The following AGBL4 variants were observed in gnomAD, a reference collection of about 807,000 sequenced individuals.
AGBL4 encodes cytosolic carboxypeptidase 6.
A neutral mutation model predicts 66.4 loss-of-function variants in AGBL4; 58 were observed. The ratio of observed to expected loss-of-function variants is 0.87; its 90% CI spans 0.71 to 1.09. AGBL4 has a LOEUF of 1.09. Ranked by LOEUF, AGBL4 falls within the 50% of genes least tolerant of loss-of-function variation. The pLI is 0.00. For synonymous variants in AGBL4, 234 were observed against 222.9 expected (o/e 1.05, Z -0.44); for missense variants, 579 against 631.0 (o/e 0.92, Z 0.88).
chr1:48,983,537 G>C (rs1571158304), intron 5 of AGBL4, among the ~76,000 whole-genome samples: 2 of 152,094 alleles, frequency 1.3e-5, no homozygotes, highest in East Asian at 1.9e-4. Flanking sequence ...CAAAATTATG[G>C]GGGAAAAAAA....
At chr1:49,322,412 T>C (rs1034730664) in intron 3 of AGBL4, among the ~76,000 whole-genome samples, 1 of 152,206 alleles carries the variant, frequency 6.6e-6, no homozygotes, top group African/African-American at 2.4e-5. Flanking sequence ...CCATTTTAGC[T>C]ATGTAGTAGG....
intron 1 of AGBL4, among the ~76,000 whole-genome samples, chr1:49,925,332 C>G (rs1037895802): frequency 2.0e-5 from 3 of 152,088 alleles, no homozygotes; most frequent in Non-Finnish European, 4.4e-5. Context: ...CTGGTCCTGA[C>G]AGGATTCGCC....
intron 4 of AGBL4, among the ~76,000 whole-genome samples, chr1:49,148,741 A>AG (rs1205029586): frequency 6.6e-6 from 1 of 152,200 alleles, no homozygotes; most frequent in Non-Finnish European, 1.5e-5. Flanking sequence ...GGCATATCTC[A>AG]GCCCTCCTTT....
At chr1:49,806,146 G>A (rs570871835) in intron 2 of AGBL4, among the ~76,000 whole-genome samples, 2 of 152,272 alleles carry the variant, frequency 1.3e-5, no homozygotes, top group East Asian at 1.9e-4. Context: ...AGGCTTAGAA[G>A]GACAGCAGGG....
intron 5 of AGBL4, among the ~76,000 whole-genome samples, chr1:48,907,793 G>A (rs559764740): frequency 6.6e-6 from 1 of 152,260 alleles, no homozygotes; most frequent in African/African-American, 2.4e-5. Flanking sequence ...ATAAATGCAT[G>A]GTGCTGAGGA....
At chr1:48,591,212 T>C (rs926824178) in intron 9 of AGBL4, among the ~76,000 whole-genome samples, 5 of 151,734 alleles carry the variant, frequency 3.3e-5, no homozygotes, top group African/African-American at 1.2e-4. Context: ...ACTTTTAACA[T>C]GGTTTTCCCT....
chr1:49,603,929 T>TAC (rs60862640), intron 3 of AGBL4, among the ~76,000 whole-genome samples: 2,666 of 140,572 alleles, frequency 0.019, 37 homozygotes, highest in East Asian at 0.055. Context: ...TTCCATGGTA[T>TAC]ACACACACAC....
chr1:49,911,173 T>C (rs1650786972), intron 1 of AGBL4, among the ~76,000 whole-genome samples: 1 of 152,126 alleles, frequency 6.6e-6, no homozygotes, highest in South Asian at 2.1e-4. Flanking sequence ...GGATGGAATG[T>C]GGGAGTGGGG....
intron 2 of AGBL4, among the ~76,000 whole-genome samples, chr1:49,788,394 A>G (rs1386094449): frequency 1.3e-5 from 2 of 152,152 alleles, no homozygotes; most frequent in East Asian, 3.9e-4. Flanking sequence ...TTATAACAAA[A>G]TATTTCTAGA....
intron 11 of AGBL4, among the ~76,000 whole-genome samples, chr1:48,561,787 A>G (rs923592145): frequency 1.2e-4 from 18 of 152,156 alleles, no homozygotes; most frequent in African/African-American, 3.4e-4. Flanking sequence ...GTTGACTTTC[A>G]GATTGGAACT....
rs966278729 is a variant in AGBL4, at chr1:48,895,709, G to A, written c.595-28479C>T. 2.0e-5 allele frequency among the ~76,000 whole-genome samples: 3 copies of A among 152,242 alleles called. No homozygotes were observed. The East Asian group carries it at 5.8e-4, about 29-fold the overall frequency. On this transcript the variant is annotated intron_variant, in intron 5 of 13. Coordinates refer to ENST00000371839, the MANE Select transcript of AGBL4 (RefSeq NM_032785.4). The stretch of plus-strand genomic sequence containing the variant: ...TCTAGCTCAGATGGTAGGTCCCACT[G>A]GAGACCCTGAAAGAGACTCGAGCAT...
At chr1:48,777,614 G>A (rs973926183) in intron 6 of AGBL4, among the ~76,000 whole-genome samples, 5 of 152,146 alleles carry the variant, frequency 3.3e-5, no homozygotes, top group Non-Finnish European at 7.3e-5. Flanking sequence ...ACCAGAACTG[G>A]GGCTTATCTG....
chr1:48,754,521 C>G (rs534159832), intron 6 of AGBL4, among the ~76,000 whole-genome samples: 1 of 152,180 alleles, frequency 6.6e-6, no homozygotes, highest in East Asian at 1.9e-4. Flanking sequence ...TGGAATGTCA[C>G]CATGCTTTTT....
In AGBL4 at chr1:48,698,749, G is replaced by A. The variant is rs184300887; in HGVS notation, c.635-35508C>T. ...ATGTGCCCAGCATTGGGACAGGTAC[G>A]TTACATGTACACCATCATTTCATTT... On this transcript the variant is annotated intron_variant, in intron 6 of 13. Coordinates refer to ENST00000371839, the MANE Select transcript of AGBL4 (RefSeq NM_032785.4). Among the ~76,000 whole-genome samples the A allele has an allele frequency of 5.9e-5, 9 of 152,334 alleles. 1 individual carries two copies. Among genetic ancestry groups the A allele is most frequent in the Middle Eastern group, 6.8e-3 (2 of 294 alleles).
At chr1:49,054,532 C>A (rs1644276016) in intron 4 of AGBL4, among the ~76,000 whole-genome samples, 1 of 151,982 alleles carries the variant, frequency 6.6e-6, no homozygotes, top group East Asian at 1.9e-4. Flanking sequence ...AATCAACAAA[C>A]CTATGGAGTA....
At chr1:49,506,235 C>T (rs1412761563) in intron 3 of AGBL4, among the ~76,000 whole-genome samples, 1 of 151,640 alleles carries the variant, frequency 6.6e-6, no homozygotes, top group Admixed American at 6.6e-5. Context: ...ACTGATATAA[C>T]AAGAAAGAAA....
At chr1:48,544,014 A>C (rs1644119632) in intron 11 of AGBL4, among the ~76,000 whole-genome samples, 1 of 152,130 alleles carries the variant, frequency 6.6e-6, no homozygotes, top group Admixed American at 6.6e-5. Context: ...ATTTGAAGGC[A>C]CCTTTTCTGT....
At chr1:49,016,814 T>G (rs56209452) in intron 5 of AGBL4, among the ~76,000 whole-genome samples, 210 of 152,336 alleles carry the variant, frequency 1.4e-3, no homozygotes, top group Admixed American at 3.8e-3. Context: ...ACCAAGTGTG[T>G]GAAATCTGCA....
intron 3 of AGBL4, among the ~76,000 whole-genome samples, chr1:49,680,445 T>C (rs1004886921): frequency 1.3e-5 from 2 of 152,104 alleles, no homozygotes; most frequent in Non-Finnish European, 2.9e-5. Context: ...TTCATTCATC[T>C]GAGAGTGCCT....
Sources: allele counts gnomAD v4.1 joint callset (sites outside exome capture counted in the v4.1 genomes callset), GRCh38; gene constraint gnomAD v4.1.1; transcripts MANE v1.5; gene names NCBI Gene and HGNC (gene_info 2026-07-23, HGNC 2026-07-21).